Variants in NELL1 observed in about 807,000 individuals in gnomAD.
NELL1 encodes protein kinase C-binding protein NELL1.
In NELL1, 76 loss-of-function variants were observed where a neutral mutation model predicts 107.4. That is an observed-to-expected ratio of 0.71 (90% CI 0.59 to 0.86). The LOEUF (loss-of-function observed/expected upper bound fraction) is 0.86, where lower values mean the gene tolerates loss of function less well. Ranked by LOEUF, NELL1 falls within the 40% of genes least tolerant of loss-of-function variation. The pLI is 0.00. For missense variants in NELL1, 1,024 were observed against 1,005.5 expected (o/e 1.02, Z -0.25); for synonymous variants, 353 against 341.2 (o/e 1.03, Z -0.38).
chr11:21,260,286 G>A (rs910807228), intron 14 of NELL1: 1 of 151,578 alleles, frequency 6.6e-6, no homozygotes. Flanking sequence ...TTCTTCTGCT[G>A]GTAATTATAT....
chr11:20,991,991 CAAAAAAAAAA>C (rs57278158), intron 12 of NELL1, among the ~76,000 whole-genome samples: 1 of 110,056 alleles, frequency 9.1e-6, no homozygotes. Context: ...GTGTAGCATG[CAAAAAAAAAA>C]AAAAAAAAAA....
intron 15 of NELL1, among the ~76,000 whole-genome samples, chr11:21,383,580 C>T (rs1179520257): frequency 1.3e-5 from 2 of 151,478 alleles, no homozygotes; most frequent in Non-Finnish European, 2.9e-5. Context: ...TACTTCAAGT[C>T]ACTGAAATGC....
intron 13 of NELL1, among the ~76,000 whole-genome samples, chr11:21,163,340 C>T (rs552252333): frequency 2.0e-4 from 30 of 152,046 alleles, no homozygotes; most frequent in African/African-American, 6.3e-4. Flanking sequence ...TGGAGCATGG[C>T]GGGAAGATGA....
At chr11:20,745,860 C>T (rs550486126) in intron 2 of NELL1, among the ~76,000 whole-genome samples, 1 of 152,250 alleles carries the variant, frequency 6.6e-6, no homozygotes, top group South Asian at 2.1e-4. Context: ...GAAGTAATGG[C>T]TGAACTATGA....
intron 15 of NELL1, among the ~76,000 whole-genome samples, chr11:21,432,573 G>C (rs1852993479): frequency 6.6e-6 from 1 of 152,106 alleles, no homozygotes; most frequent in Non-Finnish European, 1.5e-5. Context: ...TTTGATAATA[G>C]TAGGTACTTT....
At chr11:21,388,928 G>T (rs1590891291) in intron 15 of NELL1, among the ~76,000 whole-genome samples, 1 of 151,608 alleles carries the variant, frequency 6.6e-6, no homozygotes, top group Admixed American at 6.6e-5. Context: ...TCCTTCCCTG[G>T]TTGAACACTG....
intron 4 of NELL1, among the ~76,000 whole-genome samples, chr11:20,857,304 A>G (rs539064118): frequency 6.4e-4 from 97 of 152,232 alleles, no homozygotes; most frequent in African/African-American, 1.9e-3. Flanking sequence ...TCACCTGCCT[A>G]TAGCCCCCCG....
chr11:21,165,546 T>C (rs1392633523), intron 13 of NELL1, among the ~76,000 whole-genome samples: 2 of 152,160 alleles, frequency 1.3e-5, no homozygotes, highest in Non-Finnish European at 2.9e-5. Flanking sequence ...AGAGTTACTA[T>C]ATGATTCTGC....
chr11:21,501,936 C>T (rs1855155114), intron 15 of NELL1, among the ~76,000 whole-genome samples: 1 of 152,142 alleles, frequency 6.6e-6, no homozygotes, highest in Non-Finnish European at 1.5e-5. Flanking sequence ...TATTACCACC[C>T]CTGGCCAAAG....
intron 12 of NELL1, among the ~76,000 whole-genome samples, chr11:21,103,938 GCTTC>G (rs1854884938): frequency 6.6e-6 from 1 of 152,160 alleles, no homozygotes; most frequent in Admixed American, 6.6e-5. Flanking sequence ...GATTGATACA[GCTTC>G]TGTGAAGGCA....
chr11:21,139,895 A>T (rs1453330555), intron 13 of NELL1, among the ~76,000 whole-genome samples: 8 of 152,048 alleles, frequency 5.3e-5, no homozygotes. Flanking sequence ...AGGACCTGAG[A>T]CCTTTCCTTT....
chr11:21,066,605 T>G (rs534106821), intron 12 of NELL1, among the ~76,000 whole-genome samples: 2 of 152,288 alleles, frequency 1.3e-5, no homozygotes, highest in Admixed American at 1.3e-4. Context: ...TTTATTAGAA[T>G]GCCTATCTTT....
At chr11:21,562,025 A>T (rs1856861429) in intron 17 of NELL1, among the ~76,000 whole-genome samples, 1 of 152,008 alleles carries the variant, frequency 6.6e-6, no homozygotes, top group Non-Finnish European at 1.5e-5. Flanking sequence ...ACTTTTGAGG[A>T]TGATCATTAC....
At chr11:20,786,192 A>G (rs1856951820) in intron 3 of NELL1, among the ~76,000 whole-genome samples, 1 of 151,984 alleles carries the variant, frequency 6.6e-6, no homozygotes, top group East Asian at 1.9e-4. Context: ...TCCACTTAAA[A>G]TACAAAAATT....
chr11:21,467,523 C>T (rs1033508775), intron 15 of NELL1, among the ~76,000 whole-genome samples: 32 of 151,910 alleles, frequency 2.1e-4, no homozygotes, highest in Non-Finnish European at 4.4e-5. Flanking sequence ...TAATGTTGTC[C>T]TATTGACTTA....
intron 12 of NELL1, among the ~76,000 whole-genome samples, chr11:21,096,393 G>GT (rs1854644146): frequency 6.6e-6 from 1 of 152,194 alleles, no homozygotes; most frequent in Admixed American, 6.5e-5. Flanking sequence ...AGCTCTCTGA[G>GT]TGGAGGTTGT....
chr11:21,138,904 A>G (rs1481755640), intron 13 of NELL1, among the ~76,000 whole-genome samples: 2 of 152,176 alleles, frequency 1.3e-5, no homozygotes, highest in East Asian at 3.9e-4. Flanking sequence ...TGGATCTAGC[A>G]TCCAGCTCGT....
intron 3 of NELL1, among the ~76,000 whole-genome samples, chr11:20,797,032 A>G (rs1857183309): frequency 6.6e-6 from 1 of 152,218 alleles, no homozygotes; most frequent in Non-Finnish European, 1.5e-5. Context: ...GAGAAAGCAT[A>G]GGTAAGGAAG....
At chr11:21,371,177 A>G (rs187031212) in intron 15 of NELL1, among the ~76,000 whole-genome samples, 1 of 152,110 alleles carries the variant, frequency 6.6e-6, no homozygotes. Context: ...TAGCAAGGTC[A>G]AGTATTTTCT....
Sources: allele counts gnomAD v4.1 joint callset (sites outside exome capture counted in the v4.1 genomes callset), GRCh38; gene constraint gnomAD v4.1.1; transcripts MANE v1.5; gene names NCBI Gene and HGNC (gene_info 2026-07-23, HGNC 2026-07-21).